LTBP1: variants seen among roughly 807,000 people sequenced by gnomAD.
LTBP1 encodes latent transforming growth factor beta binding protein 1, also known as latent-transforming growth factor beta-binding protein 1.
A neutral mutation model predicts 207.6 loss-of-function variants in LTBP1; 129 were observed. The observed-to-expected ratio is 0.62, with a 90% CI of 0.54 to 0.72. The LOEUF (loss-of-function observed/expected upper bound fraction) is 0.72, where lower values mean the gene tolerates loss of function less well. Among genes scored for constraint, LTBP1 ranks in the 30% least tolerant of loss-of-function variants. The pLI, the probability that LTBP1 is intolerant of heterozygous loss-of-function variation, is 0.00. For synonymous variants in LTBP1, 963 were observed against 833.7 expected, an observed-to-expected ratio of 1.16 and a Z score of -2.67; for missense variants, 2,281 against 2,217.2, an observed-to-expected ratio of 1.03 and a Z score of -0.58.
intron 3 of LTBP1, among the ~76,000 whole-genome samples, chr2:33,059,444 C>T (rs1256910028): frequency 6.6e-6 from 1 of 152,170 alleles, no homozygotes. Context: ...TTTCAAACAC[C>T]TTAAAAGAGA....
chr2:33,199,513 A>T (rs528088651), intron 7 of LTBP1, among the ~76,000 whole-genome samples: 1 of 152,194 alleles, frequency 6.6e-6, no homozygotes, highest in Admixed American at 6.5e-5. Flanking sequence ...CCCACAGCCA[A>T]TATCATACTG....
chr2:33,333,520 G>A (rs2149514241), intron 24 of LTBP1, among the ~76,000 whole-genome samples: 1 of 152,292 alleles, frequency 6.6e-6, no homozygotes, highest in East Asian at 1.9e-4. Flanking sequence ...AGAGCCTAGT[G>A]CTAGATTAGA....
intron 23 of LTBP1, 151 bp downstream of exon 23, chr2:33,309,707 A>AT (rs2094152956): frequency 1.1e-6 from 1 of 878,288 alleles, no homozygotes; most frequent in South Asian, 1.7e-5. Flanking sequence ...TTGGGTCCAC[A>AT]TCAAGTGCAG....
chr2:33,254,852 G>GTTTTTTGTT (rs2092794817), intron 11 of LTBP1, among the ~76,000 whole-genome samples: 1 of 10,366 alleles, frequency 9.6e-5, no homozygotes, highest in Non-Finnish European at 1.5e-4. Flanking sequence ...GCGGTGTTTG[G>GTTTTTTGTT]TTTTTTTTTT....
At chr2:33,370,513 G>C (rs2095054704) in intron 31 of LTBP1, among the ~76,000 whole-genome samples, 1 of 152,104 alleles carries the variant, frequency 6.6e-6, no homozygotes, top group Non-Finnish European at 1.5e-5. Flanking sequence ...CTTCCTCTGA[G>C]GAGGAAGCAA....
rs377742908 is a variant in LTBP1 at position 33,201,427 on chromosome 2, G to A, written c.1701+12576G>A. Among the ~76,000 whole-genome samples, 16 of 149,410 alleles carry A rather than the reference G, an allele frequency of 1.1e-4. No individual in the cohort carries two copies. In the East Asian group the frequency reaches 2.6e-3, roughly 24 times the overall value. ...CTCACTCATAGGTGGGAATTGAACAGTGAGAACACATGGACACAGGAAGGG... is the reference window on the plus strand; with the variant it reads ...CTCACTCATAGGTGGGAATTGAACAATGAGAACACATGGACACAGGAAGGG... On this transcript the variant is annotated intron_variant, in intron 7 of 33. Coordinates refer to ENST00000404816, the MANE Select transcript of LTBP1 (RefSeq NM_206943.4).
intron 22 of LTBP1, among the ~76,000 whole-genome samples, chr2:33,305,357 A>G (rs1252397678): frequency 2.0e-5 from 3 of 151,904 alleles, no homozygotes; most frequent in Admixed American, 6.6e-5. Context: ...AGTAAAATAT[A>G]TAGTTCGTTA....
chr2:33,250,755 G>A (rs74521511), intron 10 of LTBP1, among the ~76,000 whole-genome samples: 2,742 of 152,002 alleles, frequency 0.018, 90 homozygotes, highest in African/African-American at 0.063. Flanking sequence ...GTCTTAAGCA[G>A]GTACCACCAC....
intron 2 of LTBP1, among the ~76,000 whole-genome samples, chr2:32,973,698 A>AT (rs142279973): frequency 7.6e-4 from 116 of 151,640 alleles, no homozygotes; most frequent in Admixed American, 1.2e-3. Context: ...CATTCTTTCT[A>AT]TTTTTTTTGT....
chr2:33,096,106 G>C (rs2079371768), intron 3 of LTBP1, among the ~76,000 whole-genome samples: 1 of 152,038 alleles, frequency 6.6e-6, no homozygotes, highest in Admixed American at 6.6e-5. Context: ...GAAAACCAAA[G>C]ATAAAGGAAA....
chr2:33,094,575 G>T (rs909445823), intron 3 of LTBP1, among the ~76,000 whole-genome samples: 1 of 152,146 alleles, frequency 6.6e-6, no homozygotes, highest in Non-Finnish European at 1.5e-5. Flanking sequence ...AGAATGTAGA[G>T]TACTAGACCA....
At chr2:33,232,146 T>G (rs2091826112) in intron 9 of LTBP1, among the ~76,000 whole-genome samples, 2 of 152,132 alleles carry the variant, frequency 1.3e-5, no homozygotes, top group Non-Finnish European at 2.9e-5. Context: ...GAGGGTATTC[T>G]TGCTGAAGGC....
chr2:33,219,930 CTAAGA>C (rs1017099082), intron 8 of LTBP1, among the ~76,000 whole-genome samples: 1 of 151,702 alleles, frequency 6.6e-6, no homozygotes, highest in African/African-American at 2.4e-5. Flanking sequence ...TCATTTTTAT[CTAAGA>C]TGAGTTCACT....
chr2:33,017,132 T>A (rs941746876), intron 2 of LTBP1, among the ~76,000 whole-genome samples: 6 of 152,260 alleles, frequency 3.9e-5, no homozygotes, highest in Admixed American at 2.6e-4. Context: ...ATTTTTGCAT[T>A]GGCCATGAAG....
intron 2 of LTBP1, among the ~76,000 whole-genome samples, chr2:32,983,769 G>A (rs1683128371): frequency 6.6e-6 from 1 of 152,168 alleles, no homozygotes; most frequent in African/African-American, 2.4e-5. Flanking sequence ...TTTGCCCTCT[G>A]CCATGATTGT....
chr2:33,109,076 TACTG>T (rs879196831), intron 3 of LTBP1, among the ~76,000 whole-genome samples: 1 of 152,242 alleles, frequency 6.6e-6, no homozygotes, highest in Admixed American at 6.5e-5. Context: ...AGACCCAGAT[TACTG>T]ACTAAGAGGG....
At chr2:33,235,553 G>A (rs887637109) in intron 9 of LTBP1, among the ~76,000 whole-genome samples, 3 of 152,144 alleles carry the variant, frequency 2.0e-5, no homozygotes, top group African/African-American at 4.8e-5. Context: ...CCATTACTGG[G>A]TATATACCCA....
At chr2:33,304,158 C>T (rs189125138) in intron 22 of LTBP1, among the ~76,000 whole-genome samples, 89 of 152,270 alleles carry the variant, frequency 5.8e-4, no homozygotes, top group Admixed American at 5.2e-4. Flanking sequence ...CGTAAGAAAG[C>T]TTCTTTTGGA....
At position 33,222,042 on chromosome 2, in the gene LTBP1, G is replaced by A. The variant is rs772511215; in HGVS notation, c.1805-38G>A. On this transcript the variant is annotated intron_variant, in intron 8 of 33. Transcript: ENST00000404816. The stretch of plus-strand genomic sequence containing the variant: ...CACTTACACTAGTCTAAGATTGTAA[G>A]AATTTAAGTATGTAACAAAGCATTT... 3 of 1,467,334 alleles carry A rather than the reference G, an allele frequency of 2.0e-6. No homozygotes were observed. In the South Asian group the frequency reaches 3.4e-5, roughly 17 times the overall value. The allele number at this position is 1,467,334 out of a possible 1,614,324, so 90.9% of individuals were successfully genotyped here. A position where few individuals can be genotyped will look rare whatever the true frequency, so the allele number is the denominator to read the frequency against.
Sources: gnomAD v4.1 joint callset for allele counts (sites outside exome capture counted in the v4.1 genomes callset) on GRCh38, gnomAD v4.1.1 for gene constraint, MANE v1.5 for transcripts, NCBI Gene and HGNC (gene_info 2026-07-23, HGNC 2026-07-21) for gene names.